Variants in DSCAM observed in about 807,000 individuals in gnomAD.
DSCAM encodes the protein cell adhesion molecule DSCAM.
A neutral mutation model predicts 217.7 loss-of-function variants in DSCAM; 47 were observed. The observed-to-expected ratio is 0.22, with a 90% CI of 0.17 to 0.28. The LOEUF is 0.28. Among genes scored for constraint, DSCAM ranks in the 10% least tolerant of loss-of-function variants. The pLI is 1.00. For missense variants in DSCAM, 2,080 were observed against 2,618.3 expected, an observed-to-expected ratio of 0.79 and a Z score of 4.49; for synonymous variants, 1,056 against 1,015.3, an observed-to-expected ratio of 1.04 and a Z score of -0.76.
Position 40,405,248 on chromosome 21 carries a change from A to T in DSCAM, c.509-36003T>A, listed in dbSNP as rs140321595. On this transcript the variant is annotated intron_variant, in intron 3 of 32. Transcript: ENST00000400454. ...TGTAACAGGGTCTTTCATGCATTAA[A>T]CTGGGATCAGAGCAGCCATCTTACC... Among the ~76,000 whole-genome samples the T allele has an allele frequency of 1.7e-3, 256 of 152,308 alleles. 1 individual carries two copies. The highest frequency in any genetic ancestry group is 5.6e-3 in the African/African-American group (231 of 41,568).
At chr21:40,750,672 A>G (rs1237322874) in intron 1 of DSCAM, among the ~76,000 whole-genome samples, 1 of 151,760 alleles carries the variant, frequency 6.6e-6, no homozygotes, top group East Asian at 2.0e-4. Context: ...TTGAATTTGC[A>G]TCAGAAACCG....
intron 10 of DSCAM, among the ~76,000 whole-genome samples, chr21:40,293,183 C>A (rs1014432908): frequency 1.3e-5 from 2 of 152,146 alleles, no homozygotes; most frequent in Non-Finnish European, 2.9e-5. Context: ...GGCTTACGGA[C>A]CCTTTATAGC....
At chr21:40,354,771 C>G (rs1465329212) in intron 4 of DSCAM, among the ~76,000 whole-genome samples, 1 of 149,100 alleles carries the variant, frequency 6.7e-6, no homozygotes, top group African/African-American at 2.5e-5. Context: ...ATGGCATGAA[C>G]CTGGGAGGCA....
intron 10 of DSCAM, among the ~76,000 whole-genome samples, chr21:40,294,819 C>A (rs2073935426): frequency 6.6e-6 from 1 of 152,120 alleles, no homozygotes; most frequent in Non-Finnish European, 1.5e-5. Context: ...GTCATGGGGG[C>A]AGAGACTCTG....
At chr21:40,106,010 T>C (rs2089815062) in intron 20 of DSCAM, among the ~76,000 whole-genome samples, 1 of 152,166 alleles carries the variant, frequency 6.6e-6, no homozygotes, top group African/African-American at 2.4e-5. Context: ...TATGAAGAAA[T>C]ACCAGAGACT....
At chr21:40,335,825 G>A (rs1426908199) in intron 8 of DSCAM, among the ~76,000 whole-genome samples, 1 of 152,160 alleles carries the variant, frequency 6.6e-6, no homozygotes, top group Admixed American at 6.5e-5. Flanking sequence ...ACAATGCTGA[G>A]GTGCTGTTTG....
chr21:40,704,162 T>A (rs1206542405), intron 2 of DSCAM, among the ~76,000 whole-genome samples: 1 of 152,082 alleles, frequency 6.6e-6, no homozygotes, highest in Non-Finnish European at 1.5e-5. Context: ...CCTAAAAAAA[T>A]CCCCTGTGCT....
At chr21:40,612,590 T>C (rs1273370097) in intron 3 of DSCAM, among the ~76,000 whole-genome samples, 1 of 151,828 alleles carries the variant, frequency 6.6e-6, no homozygotes, top group African/African-American at 2.4e-5. Context: ...CAGACGGGAG[T>C]TGCTCCACTG....
At chr21:40,258,428 G>C (rs563098388) in intron 11 of DSCAM, among the ~76,000 whole-genome samples, 1 of 152,338 alleles carries the variant, frequency 6.6e-6, no homozygotes, top group African/African-American at 2.4e-5. Context: ...AGTGAAATAT[G>C]AGCTACTCCT....
chr21:40,699,097 G>A (rs938995788), intron 2 of DSCAM, among the ~76,000 whole-genome samples: 2 of 152,062 alleles, frequency 1.3e-5, no homozygotes, highest in African/African-American at 4.8e-5. Context: ...TTGTGTCTCT[G>A]TGTCACATTT....
intron 16 of DSCAM, among the ~76,000 whole-genome samples, chr21:40,163,466 G>A (rs2146764454): frequency 6.6e-6 from 1 of 152,180 alleles, no homozygotes; most frequent in South Asian, 2.1e-4. Context: ...ATTCAGAACT[G>A]CTTACATTGT....
intron 1 of DSCAM, among the ~76,000 whole-genome samples, chr21:40,772,817 G>A (rs1055402628): frequency 3.9e-5 from 6 of 152,330 alleles, no homozygotes; most frequent in Non-Finnish European, 2.9e-5. Context: ...ACCAGGGCCC[G>A]TAACAAATTC....
chr21:40,244,135 T>A (rs2073190459), intron 11 of DSCAM, among the ~76,000 whole-genome samples: 1 of 152,186 alleles, frequency 6.6e-6, no homozygotes, highest in Non-Finnish European at 1.5e-5. Flanking sequence ...ATCATACTGA[T>A]TGGAGCCAAA....
intron 3 of DSCAM, among the ~76,000 whole-genome samples, chr21:40,524,131 T>C (rs925598506): frequency 2.0e-5 from 3 of 149,510 alleles, no homozygotes; most frequent in Admixed American, 6.6e-5. Context: ...TTTATTTATT[T>C]ATTTATTTTA....
chr21:40,554,661 G>T (rs1245749411), intron 3 of DSCAM, among the ~76,000 whole-genome samples: 2 of 152,100 alleles, frequency 1.3e-5, no homozygotes, highest in African/African-American at 4.8e-5. Context: ...ATGCTGTATT[G>T]CACTAAATTA....
At chr21:40,634,039 C>A (rs1568951395) in intron 3 of DSCAM, among the ~76,000 whole-genome samples, 1 of 152,240 alleles carries the variant, frequency 6.6e-6, no homozygotes, top group African/African-American at 2.4e-5. Flanking sequence ...AAAGAGAAAG[C>A]CTAGCAGCTA....
chr21:40,323,490 T>C (rs1242109268), intron 8 of DSCAM, among the ~76,000 whole-genome samples: 1 of 152,182 alleles, frequency 6.6e-6, no homozygotes, highest in Non-Finnish European at 1.5e-5. Flanking sequence ...ATCTTGTTAT[T>C]TTCCCTCAGA....
chr21:40,728,102 G>T (rs572924485), intron 1 of DSCAM, among the ~76,000 whole-genome samples: 1 of 152,076 alleles, frequency 6.6e-6, no homozygotes. Flanking sequence ...CGCCCCCTCC[G>T]ACCCACGCCT....
intron 3 of DSCAM, among the ~76,000 whole-genome samples, chr21:40,503,148 A>G (rs1002537238): frequency 1.1e-4 from 16 of 152,216 alleles, no homozygotes; most frequent in African/African-American, 3.9e-4. Context: ...CTACTTTTAC[A>G]GAAGAAGAAA....
Sources: gnomAD v4.1 joint callset for allele counts (sites outside exome capture counted in the v4.1 genomes callset) on GRCh38, gnomAD v4.1.1 for gene constraint, MANE v1.5 for transcripts, NCBI Gene and HGNC (gene_info 2026-07-23, HGNC 2026-07-21) for gene names.